PIEZO2: variants seen among roughly 807,000 people sequenced by gnomAD.
PIEZO2 encodes piezo type mechanosensitive ion channel component 2, also known as piezo-type mechanosensitive ion channel component 2.
A neutral mutation model predicts 337.3 loss-of-function variants in PIEZO2; 172 were observed. The ratio of observed to expected loss-of-function variants is 0.51; its 90% CI spans 0.45 to 0.58. PIEZO2 has a LOEUF of 0.58. Among genes scored for constraint, PIEZO2 ranks in the 20% least tolerant of loss-of-function variants. The probability of loss-of-function intolerance (pLI) is 0.00; values close to 1 mark genes in which losing one functional copy is unlikely to be tolerated. For missense variants in PIEZO2, 3,028 were observed against 3,391.3 expected (o/e 0.89, Z 2.66); for synonymous variants, 1,251 against 1,228.5 (o/e 1.02, Z -0.38).
chr18:10,872,918 G>A lies in PIEZO2; in HGVS notation c.330-1503C>T, dbSNP rs145898215. Reference sequence around the variant, plus strand: ...GCATTAAAACTTCTGGGGAAGATAAGATGATCCATGGAAAAATCAAGCATA... The same window carrying A: ...GCATTAAAACTTCTGGGGAAGATAAAATGATCCATGGAAAAATCAAGCATA... On this transcript the variant is annotated intron_variant, in intron 4 of 55. Coordinates refer to ENST00000674853, the MANE Select transcript of PIEZO2 (RefSeq NM_001378183.1). The surrounding 1 kb of genome is among the most constrained non-coding windows in gnomAD (Gnocchi z 4.3). Among the ~76,000 whole-genome samples the A allele has an allele frequency of 2.2e-4, 34 of 152,230 alleles. No homozygotes were observed. In the East Asian group the frequency reaches 6.6e-3, roughly 29 times the overall value.
rs900479466 is a variant in PIEZO2, at chr18:10,724,868, A to G, written c.5029+6539T>C. The G allele has an allele frequency of 6.2e-7, 1 of 1,608,534 alleles. No homozygotes were observed. ...CACATGCGTCGCAGTGAGAGCACCT[A>G]CTCTGTAAATAGTACTGGCCGGCGG... On this transcript the variant is annotated intron_variant, in intron 36 of 55. Transcript: ENST00000674853. The surrounding 1 kb of genome is among the most constrained non-coding windows in gnomAD (Gnocchi z 5.8).
chr18:10,696,425 G>C lies in PIEZO2; in HGVS notation c.6942C>G (p.Phe2314Leu). Residue 2314 changes from phenylalanine to leucine, a missense_variant, in exon 46 of 56, where the codon TTC becomes TTG. Transcript: ENST00000674853. ...CCCAAAAGCCGAAGACAATGATGAT[G>C]AAGTCCACAGTGTCAGCCAGGAACA... ...VLMFLADTVD[F>L]IIIVFGFWAF... 1 of 1,614,242 alleles carries C rather than the reference G, an allele frequency of 6.2e-7. No individual in the cohort carries two copies. The highest frequency in any genetic ancestry group is 8.5e-7 in the Non-Finnish European group (1 of 1,180,044).
At chr18:10,886,501 C>CTATGTATATATATATATATAT in intron 4 of PIEZO2, among the ~76,000 whole-genome samples, 1 of 11,812 alleles carries the variant, frequency 8.5e-5, no homozygotes, top group Non-Finnish European at 1.6e-4. Flanking sequence ...TATATATACG[C>CTATGTATATATATATATATAT]ATATACACAT....
intron 3 of PIEZO2, among the ~76,000 whole-genome samples, chr18:10,964,765 C>T (rs899896445): frequency 5.3e-5 from 8 of 152,186 alleles, no homozygotes; most frequent in Non-Finnish European, 7.3e-5. Context: ...CCATTCTACC[C>T]TACCCAGAGC....
Position 10,969,779 on chromosome 18 carries a change from C to T in PIEZO2, c.286+9756G>A, listed in dbSNP as rs1429721899. On this transcript the variant is annotated intron_variant, in intron 3 of 55. Coordinates refer to ENST00000674853, the MANE Select transcript of PIEZO2 (RefSeq NM_001378183.1). The surrounding 1 kb of genome is among the most constrained non-coding windows in gnomAD (Gnocchi z 4.5). Reference sequence around the variant, plus strand: ...GACAGAGCTCCTGGCCAAGAGAGGGCATGGGTGCACTTAGCCGCTCTCCTC... The same window carrying T: ...GACAGAGCTCCTGGCCAAGAGAGGGTATGGGTGCACTTAGCCGCTCTCCTC... 1.3e-5 allele frequency among the ~76,000 whole-genome samples: 2 copies of T among 152,006 alleles called. No individual in the cohort carries two copies. The highest frequency in any genetic ancestry group is 2.9e-5 in the Non-Finnish European group (2 of 68,014).
intron 2 of PIEZO2, among the ~76,000 whole-genome samples, chr18:10,981,753 G>C (rs182124940): frequency 6.6e-6 from 1 of 152,206 alleles, no homozygotes; most frequent in Non-Finnish European, 1.5e-5. Flanking sequence ...AGCTGCCAAT[G>C]TGGCTAGGAT....
rs2035813076 is a variant in PIEZO2, at chr18:11,009,171, T to C, written c.161-29511A>G. Among the ~76,000 whole-genome samples the C allele has an allele frequency of 6.6e-6, 1 of 152,244 alleles. No individual in the cohort carries two copies. The highest frequency in any genetic ancestry group is 1.5e-5 in the Non-Finnish European group (1 of 68,038). On this transcript the variant is annotated intron_variant, in intron 2 of 55. Coordinates refer to ENST00000674853, the MANE Select transcript of PIEZO2 (RefSeq NM_001378183.1). This position sits in a 1 kb window ranked among gnomAD's most constrained non-coding sequence, Gnocchi z 4.6. ...GGGTAGGAATCCTGGTAGGTTGCTC[T>C]TGCCACGTCACTGTTATTTGCCTGG...
chr18:10,764,860 A>T (rs1420744827), intron 21 of PIEZO2, among the ~76,000 whole-genome samples: 7 of 152,236 alleles, frequency 4.6e-5, no homozygotes, highest in Non-Finnish European at 1.0e-4. Flanking sequence ...AACAAAACAG[A>T]TAGATTAGCG....
At chr18:11,138,968 C>CT (rs571962848) in intron 1 of PIEZO2, among the ~76,000 whole-genome samples, 32 of 152,300 alleles carry the variant, frequency 2.1e-4, no homozygotes, top group African/African-American at 6.0e-4. Flanking sequence ...GATTGGTTCT[C>CT]TAAGTTATCT....
rs961548150 is a variant in PIEZO2 at position 10,671,429 on chromosome 18, A to G, written c.*98T>C. 2.3e-6 allele frequency: 3 copies of G among 1,313,964 alleles called. No individual in the cohort carries two copies. The African/African-American group carries it at 4.5e-5, about 20-fold the overall frequency. 81.4% of individuals were successfully genotyped at this position (1,313,964 alleles called of 1,614,324 possible). On this transcript the variant is annotated 3_prime_UTR_variant, in exon 56 of 56. Transcript: ENST00000674853. ...CTACCTATCAGAAGAGAAACAAACC[A>G]TTTCCGTCGAACTAGAAATGCTTAG...
Position 10,846,922 on chromosome 18 carries a change from A to T in PIEZO2, c.917+8431T>A, listed in dbSNP as rs2041382795. ...ATGGGGAAGTGAGTTTGAATAATAA[A>T]AATATTTGATGACTACAACAATAAA... On this transcript the variant is annotated intron_variant, in intron 7 of 55. Coordinates refer to ENST00000674853, the MANE Select transcript of PIEZO2 (RefSeq NM_001378183.1). The surrounding 1 kb of genome is among the most constrained non-coding windows in gnomAD (Gnocchi z 4.1). Among the ~76,000 whole-genome samples the T allele has an allele frequency of 6.6e-6, 1 of 152,158 alleles. No individual in the cohort carries two copies. Among genetic ancestry groups the T allele is most frequent in the Admixed American group, 6.6e-5 (1 of 15,264 alleles).
Position 11,083,327 on chromosome 18 carries a change from T to A in PIEZO2, c.65-17105A>T, listed in dbSNP as rs2145995463. Reference sequence around the variant, plus strand: ...AAAGAGGGAAATATTTGTATTCACTTAGAGGCCAGGATCAGAATTTCTCTC... The same window carrying A: ...AAAGAGGGAAATATTTGTATTCACTAAGAGGCCAGGATCAGAATTTCTCTC... On this transcript the variant is annotated intron_variant, in intron 1 of 55. Transcript: ENST00000674853. The surrounding 1 kb of genome is among the most constrained non-coding windows in gnomAD (Gnocchi z 4.4). Among the ~76,000 whole-genome samples the A allele has an allele frequency of 6.6e-6, 1 of 152,386 alleles. No homozygotes were observed. The highest frequency in any genetic ancestry group is 1.9e-4 in the East Asian group (1 of 5,192).
rs971157109 is a variant in PIEZO2, at chr18:11,035,852, T to C, written c.160+30275A>G. The stretch of plus-strand genomic sequence containing the variant: ...TAAAGCCCATGGGTGTCTCCCCTAA[T>C]GAACAGCAAATAATATCTGTACTCC... On this transcript the variant is annotated intron_variant, in intron 2 of 55. Coordinates refer to ENST00000674853, the MANE Select transcript of PIEZO2 (RefSeq NM_001378183.1). This position sits in a 1 kb window ranked among gnomAD's most constrained non-coding sequence, Gnocchi z 4.3. Among the ~76,000 whole-genome samples the C allele has an allele frequency of 3.3e-5, 5 of 152,244 alleles. No homozygotes were observed. The highest frequency in any genetic ancestry group is 6.5e-5 in the Admixed American group (1 of 15,286).
At position 10,824,551 on chromosome 18, in the gene PIEZO2, A is replaced by G. The variant is rs1223576665; in HGVS notation, c.918-17277T>C. On this transcript the variant is annotated intron_variant, in intron 7 of 55. Transcript: ENST00000674853. The surrounding 1 kb of genome is among the most constrained non-coding windows in gnomAD (Gnocchi z 4.4). The stretch of plus-strand genomic sequence containing the variant: ...TTTCTAGATAACTTATGACATATAT[A>G]TGTATATTATGGAATACTATGCATC... 6.6e-6 allele frequency among the ~76,000 whole-genome samples: 1 copy of G among 152,202 alleles called. No individual in the cohort carries two copies. The highest frequency in any genetic ancestry group is 1.5e-5 in the Non-Finnish European group (1 of 68,028).
chr18:10,977,794 GC>G (rs2034502059), intron 3 of PIEZO2, among the ~76,000 whole-genome samples: 1 of 152,282 alleles, frequency 6.6e-6, no homozygotes, highest in South Asian at 2.1e-4. Flanking sequence ...AAAACTTTAT[GC>G]TAAATTAAGG....
chr18:10,960,730 G>A (rs112810583), intron 3 of PIEZO2, among the ~76,000 whole-genome samples: 2,802 of 152,210 alleles, frequency 0.018, 102 homozygotes, highest in African/African-American at 0.063. Flanking sequence ...TAAAACGAGC[G>A]TTGGCTAAAC....
intron 36 of PIEZO2, among the ~76,000 whole-genome samples, chr18:10,722,452 G>C (rs1364343165): frequency 6.6e-6 from 1 of 151,444 alleles, no homozygotes; most frequent in Non-Finnish European, 1.5e-5. Flanking sequence ...AGCTGGTCTC[G>C]AACTCCTGAT....
At chr18:10,745,071 T>C (rs564068277) in intron 30 of PIEZO2, among the ~76,000 whole-genome samples, 1 of 151,786 alleles carries the variant, frequency 6.6e-6, no homozygotes, top group African/African-American at 2.4e-5. Context: ...TCCTAGTAAA[T>C]GACCTAGCTT....
At chr18:10,745,120 G>A (rs2037372009) in intron 30 of PIEZO2, among the ~76,000 whole-genome samples, 1 of 152,166 alleles carries the variant, frequency 6.6e-6, no homozygotes, top group Non-Finnish European at 1.5e-5. Context: ...AAGGCAGTAA[G>A]TTGCTCAGTT....
Sources: allele counts gnomAD v4.1 joint callset (sites outside exome capture counted in the v4.1 genomes callset), GRCh38; gene constraint gnomAD v4.1.1; non-coding constraint Gnocchi (gnomAD v3.1); transcripts MANE v1.5; gene names NCBI Gene and HGNC (gene_info 2026-07-23, HGNC 2026-07-21).